Variants in GPAT3 observed in about 807,000 individuals in gnomAD.
GPAT3 encodes glycerol-3-phosphate acyltransferase 3.
In GPAT3, 53 loss-of-function variants were observed where a neutral mutation model predicts 58.8. The ratio of observed to expected loss-of-function variants is 0.90; its 90% CI spans 0.72 to 1.13. The LOEUF (loss-of-function observed/expected upper bound fraction) is 1.13. Ranked by LOEUF, GPAT3 falls within the 50% of genes most tolerant of loss-of-function variation. GPAT3 has a pLI of 0.00. For missense variants in GPAT3, 511 were observed against 527.6 expected (o/e 0.97, Z 0.31); for synonymous variants, 197 against 187.4 (o/e 1.05, Z -0.42).
intron 2 of GPAT3, among the ~76,000 whole-genome samples, chr4:83,562,401 T>G (rs1725209464): frequency 6.6e-6 from 1 of 150,538 alleles, no homozygotes; most frequent in Non-Finnish European, 1.5e-5. Context: ...ATCTCAAAGT[T>G]TTGAAAAGAT....
At chr4:83,593,346 A>G (rs959301340) in intron 6 of GPAT3, among the ~76,000 whole-genome samples, 2 of 151,382 alleles carry the variant, frequency 1.3e-5, no homozygotes, top group African/African-American at 4.9e-5. Flanking sequence ...TGTAGTTTGT[A>G]GTAGAGATGG....
chr4:83,566,671 T>G (rs2110085939), intron 2 of GPAT3, among the ~76,000 whole-genome samples: 1 of 151,834 alleles, frequency 6.6e-6, no homozygotes, highest in East Asian at 1.9e-4. Flanking sequence ...GGAGTTGTAT[T>G]AAGTTTGTAA....
Position 83,547,806 on chromosome 4 carries a change from C to T in GPAT3, c.208+3204C>T, listed in dbSNP as rs142760063. On this transcript the variant is annotated intron_variant, in intron 2 of 11. Coordinates refer to ENST00000264409, the MANE Select transcript of GPAT3 (RefSeq NM_032717.5). ...TTCAGATATGATTATGGGTAAATCT[C>T]GTTAAGAAGCTCTGTTATTGCACTT... 8.0e-5 allele frequency among the ~76,000 whole-genome samples: 12 copies of T among 150,764 alleles called. No homozygotes were observed. The East Asian group carries it at 1.6e-3, about 20-fold the overall frequency.
At position 83,578,988 on chromosome 4, in the gene GPAT3, C is replaced by CT. The variant is rs1560620751; in HGVS notation, c.209-2574_209-2573insT. 7.7e-4 allele frequency among the ~76,000 whole-genome samples: 81 copies of CT among 104,598 alleles called. 2 individuals carry two copies. Among genetic ancestry groups the CT allele is most frequent in the Non-Finnish European group, 1.2e-3 (67 of 55,562 alleles). The allele number at this position is 104,598 out of a possible 152,430, so 68.6% of individuals were successfully genotyped here. ...TCTTTCTTTCTTTCTTTCTTTCTTT[C>CT]CTTCCTTCCTTCCTTCCTTCCTTCT... is the stretch of plus-strand genomic sequence containing the variant. On this transcript the variant is annotated intron_variant, in intron 2 of 11. Coordinates refer to ENST00000264409, the MANE Select transcript of GPAT3 (RefSeq NM_032717.5).
intron 5 of GPAT3, 55 bp from the exon 6 acceptor site, chr4:83,590,144 T>G (rs1726541354): frequency 1.1e-5 from 17 of 1,506,100 alleles, no homozygotes. Flanking sequence ...GATGAGTATT[T>G]ACATGCTGTG....
intron 2 of GPAT3, among the ~76,000 whole-genome samples, chr4:83,577,789 T>A (rs1244246602): frequency 1.2e-5 from 1 of 86,904 alleles, no homozygotes; most frequent in African/African-American, 4.3e-5. Context: ...TCATTGTGGC[T>A]TTTTTTTTTT....
chr4:83,587,501 A>C (rs1458419496), intron 4 of GPAT3, among the ~76,000 whole-genome samples, 172 bp downstream of exon 4: 1 of 152,146 alleles, frequency 6.6e-6, no homozygotes, highest in Non-Finnish European at 1.5e-5. Flanking sequence ...ATCTTGGCTC[A>C]CTGCAACCTC....
chr4:83,589,874 T>C lies in GPAT3; in HGVS notation c.645-325T>C, dbSNP rs904758183. ...TGGGAAGCCGAGTGGGGCAGATCAC[T>C]TGAGGTCAGGAGTTTGAGACCAGCC... On this transcript the variant is annotated intron_variant, in intron 5 of 11. Transcript: ENST00000264409. 3.9e-5 allele frequency among the ~76,000 whole-genome samples: 6 copies of C among 152,100 alleles called. No homozygotes were observed. The East Asian group carries it at 5.8e-4, about 15-fold the overall frequency.
intron 2 of GPAT3, among the ~76,000 whole-genome samples, chr4:83,563,631 A>C (rs1461874616): frequency 1.3e-5 from 2 of 151,750 alleles, no homozygotes; most frequent in Non-Finnish European, 2.9e-5. Flanking sequence ...GCAGGCATGC[A>C]CCACCACACC....
chr4:83,557,157 A>G (rs774602395), intron 2 of GPAT3, among the ~76,000 whole-genome samples: 1 of 152,230 alleles, frequency 6.6e-6, no homozygotes, highest in Non-Finnish European at 1.5e-5. Flanking sequence ...GATTTAGTCT[A>G]TGGCAGTACA....
At chr4:83,587,524 T>A (rs1381250560) in intron 4 of GPAT3, among the ~76,000 whole-genome samples, 195 bp downstream of exon 4, 2 of 152,222 alleles carry the variant, frequency 1.3e-5, no homozygotes, top group Non-Finnish European at 2.9e-5. Flanking sequence ...CCTCCTGGGT[T>A]CAAGAGATTC....
chr4:83,589,554 C>T (rs944210297), intron 5 of GPAT3, among the ~76,000 whole-genome samples: 4 of 152,156 alleles, frequency 2.6e-5, no homozygotes, highest in Non-Finnish European at 5.9e-5. Context: ...AGTTTGCCAA[C>T]CTCTGCTCTA....
chr4:83,537,863 TC>T (rs1724163988), intron 1 of GPAT3, among the ~76,000 whole-genome samples: 1 of 152,136 alleles, frequency 6.6e-6, no homozygotes, highest in South Asian at 2.1e-4. Context: ...GCTCTGTTTC[TC>T]AAAATGTGAC....
At position 83,597,036 on chromosome 4, in the gene GPAT3, A is replaced by T. The variant is rs1345572432; in HGVS notation, c.910+123A>T. 8.9e-6 allele frequency: 7 copies of T among 785,400 alleles called. No homozygotes were observed. The African/African-American group carries it at 9.0e-5, about 10-fold the overall frequency. The allele number at this position is 785,400 out of a possible 1,614,324, so 48.7% of individuals were successfully genotyped here. ...AGATCTCTGCCCTTAGAGGAATGGG[A>T]TGGCACTCTCTGAGTTATTAATTCC... is the stretch of plus-strand genomic sequence containing the variant. On this transcript the variant is annotated intron_variant, in intron 8 of 11. Coordinates refer to ENST00000264409, the MANE Select transcript of GPAT3 (RefSeq NM_032717.5).
In GPAT3 at chr4:83,546,791, T is replaced by C. The variant is rs531085690; in HGVS notation, c.208+2189T>C. On this transcript the variant is annotated intron_variant, in intron 2 of 11. Coordinates refer to ENST00000264409, the MANE Select transcript of GPAT3 (RefSeq NM_032717.5). The stretch of plus-strand genomic sequence containing the variant: ...AAATAGGTGCATAAGCAAAGGACAG[T>C]GTGAGATCTAATTTCGGCTCTGATA... Among the ~76,000 whole-genome samples the C allele has an allele frequency of 1.2e-3, 178 of 152,220 alleles. 1 individual carries two copies. The highest frequency in any genetic ancestry group is 4.0e-3 in the African/African-American group (167 of 41,508).
intron 2 of GPAT3, among the ~76,000 whole-genome samples, chr4:83,578,332 A>G (rs1036927847): frequency 2.6e-5 from 4 of 152,228 alleles, no homozygotes; most frequent in African/African-American, 9.6e-5. Context: ...AGTTACCTAC[A>G]TACTTTTGAA....
intron 2 of GPAT3, among the ~76,000 whole-genome samples, chr4:83,553,651 C>A (rs1334452957): frequency 6.6e-6 from 1 of 152,102 alleles, no homozygotes; most frequent in Non-Finnish European, 1.5e-5. Context: ...GTAATCCCAG[C>A]ACTTTGGGAG....
intron 2 of GPAT3, 122 bp from the exon 3 acceptor site, chr4:83,581,440 A>C: frequency 9.6e-7 from 1 of 1,036,838 alleles, no homozygotes; most frequent in East Asian, 2.4e-5. Context: ...AAGATGGCTG[A>C]TGTCACCCAT....
chr4:83,588,348 T>C (rs759694887), intron 5 of GPAT3, 49 bp downstream of exon 5: 11 of 1,543,528 alleles, frequency 7.1e-6, no homozygotes, highest in Non-Finnish European at 8.9e-6. Context: ...CAATTCAGCA[T>C]GAGATTGACA....
Sources: allele counts gnomAD v4.1 joint callset (sites outside exome capture counted in the v4.1 genomes callset), GRCh38; gene constraint gnomAD v4.1.1; transcripts MANE v1.5; gene names NCBI Gene and HGNC (gene_info 2026-07-23, HGNC 2026-07-21).